ERCC6L2: variants seen among roughly 807,000 people sequenced by gnomAD.
The protein encoded by ERCC6L2 is DNA excision repair protein ERCC-6-like 2.
A neutral mutation model predicts 132.0 loss-of-function variants in ERCC6L2; 77 were observed. The ratio of observed to expected loss-of-function variants is 0.58; its 90% CI spans 0.49 to 0.71. ERCC6L2 has a LOEUF of 0.71. ERCC6L2 is among the 30% of genes least tolerant of loss of function. The pLI, the probability that ERCC6L2 is intolerant of heterozygous loss-of-function variation, is 0.00. For synonymous variants in ERCC6L2, 583 were observed against 632.4 expected (o/e 0.92, Z 1.17); for missense variants, 1,542 against 1,837.6 (o/e 0.84, Z 2.94).
At chr9:96,000,439 A>T (rs1833625915) in intron 17 of ERCC6L2, among the ~76,000 whole-genome samples, 1 of 152,214 alleles carries the variant, frequency 6.6e-6, no homozygotes, top group Admixed American at 6.5e-5. Flanking sequence ...AAAAAGATAA[A>T]CATCATATTT....
At chr9:95,976,640 T>G (rs1470125074) in intron 16 of ERCC6L2, among the ~76,000 whole-genome samples, 2 of 152,188 alleles carry the variant, frequency 1.3e-5, no homozygotes, top group African/African-American at 4.8e-5. Context: ...TGAGGGTATC[T>G]TGTTATCTAA....
chr9:95,881,823 G>T (rs1827613457), intron 2 of ERCC6L2, among the ~76,000 whole-genome samples: 1 of 152,222 alleles, frequency 6.6e-6, no homozygotes. Context: ...CTTTCCTAAA[G>T]AGGGGATTTG....
intron 11 of ERCC6L2, among the ~76,000 whole-genome samples, chr9:95,940,594 T>A (rs1187260849): frequency 1.3e-5 from 2 of 152,182 alleles, no homozygotes; most frequent in Non-Finnish European, 2.9e-5. Context: ...TTAGAGAACA[T>A]ACTCAGTATA....
intron 19 of ERCC6L2, among the ~76,000 whole-genome samples, chr9:96,030,201 A>C (rs964773259): frequency 6.6e-6 from 1 of 152,220 alleles, no homozygotes; most frequent in Non-Finnish European, 1.5e-5. Context: ...TGGATCAGTC[A>C]GCACCCTGTA....
chr9:95,999,608 T>A lies in ERCC6L2; in HGVS notation c.3493-4912T>A, dbSNP rs1007310701. On this transcript the variant is annotated intron_variant, in intron 17 of 18. Coordinates refer to ENST00000653738, the MANE Select transcript of ERCC6L2 (RefSeq NM_020207.7). ...AATTGACAATTGCCATTGCTTGGCATGATTTCTCTATGGCTTCAGAAATTG... is the reference window on the plus strand; with the variant it reads ...AATTGACAATTGCCATTGCTTGGCAAGATTTCTCTATGGCTTCAGAAATTG... Among the ~76,000 whole-genome samples, 4 of 152,334 alleles carry A rather than the reference T, an allele frequency of 2.6e-5. 1 individual carries two copies. The highest frequency in any genetic ancestry group is 6.8e-3 in the Middle Eastern group (2 of 294).
At chr9:96,040,246 C>T (rs538333547) in intron 20 of ERCC6L2, among the ~76,000 whole-genome samples, 1 of 152,114 alleles carries the variant, frequency 6.6e-6, no homozygotes, top group Non-Finnish European at 1.5e-5. Flanking sequence ...TGCTCATGTC[C>T]TTGTCCCCTT....
In ERCC6L2 at chr9:95,943,511, G is replaced by A. The variant is rs115335534; in HGVS notation, c.1847+1962G>A. ...TGTAGAATGGGACTCAACATTCTAC[G>A]TTTTAAAAAACACCCAGGTTGTGGA... is the stretch of plus-strand genomic sequence containing the variant. On this transcript the variant is annotated intron_variant, in intron 12 of 18. Transcript: ENST00000653738. 2.2e-3 allele frequency among the ~76,000 whole-genome samples: 334 copies of A among 152,156 alleles called. 3 individuals carry two copies. The highest frequency in any genetic ancestry group is 7.5e-3 in the African/African-American group (312 of 41,532).
chr9:95,947,992 A>G (rs924791329), intron 12 of ERCC6L2, among the ~76,000 whole-genome samples: 1 of 152,268 alleles, frequency 6.6e-6, no homozygotes, highest in Non-Finnish European at 1.5e-5. Flanking sequence ...GCAGTAACAC[A>G]ACATCCATTC....
At chr9:95,907,384 T>C in intron 4 of ERCC6L2, 113 bp downstream of exon 4, 1 of 888,032 alleles carries the variant, frequency 1.1e-6, no homozygotes, top group East Asian at 3.1e-5. Context: ...TTTGTGTTTT[T>C]AGTAAAGACG....
chr9:95,913,431 C>G (rs1408875550), intron 4 of ERCC6L2, among the ~76,000 whole-genome samples: 1 of 151,944 alleles, frequency 6.6e-6, no homozygotes, highest in Non-Finnish European at 1.5e-5. Context: ...GTTTCTTACA[C>G]CCTTCGCTTG....
chr9:95,958,001 A>G (rs955466901), intron 13 of ERCC6L2, among the ~76,000 whole-genome samples: 3 of 148,630 alleles, frequency 2.0e-5, no homozygotes, highest in African/African-American at 7.4e-5. Flanking sequence ...AACATTAGGT[A>G]TATCTCCTAA....
In ERCC6L2 at chr9:96,012,606, T is replaced by C. The variant is rs143936198; in HGVS notation, c.4056T>C (p.Asn1352=). ...CCTATAGAGAAGAGGTGTTTTTTAA[T>C]GATGCAGAAACTAAGAAATCACCTG... The part of the protein sequence containing the change: ...HISYREEVFF[N]DAETKKSPVS... The change falls in exon 19 of 19, where the codon AAT becomes AAC. Residue 1352 remains asparagine (N), a synonymous_variant. Coordinates refer to ENST00000653738, the MANE Select transcript of ERCC6L2 (RefSeq NM_020207.7). The C allele has an allele frequency of 9.5e-6, 13 of 1,367,540 alleles. No individual in the cohort carries two copies. Among genetic ancestry groups the C allele is most frequent in the East Asian group, 4.5e-5 (1 of 22,004 alleles). The allele number at this position is 1,367,540 out of a possible 1,614,324, so 84.7% of individuals were successfully genotyped here.
intron 4 of ERCC6L2, among the ~76,000 whole-genome samples, chr9:95,912,761 A>G (rs1262844531): frequency 6.6e-5 from 10 of 152,316 alleles, no homozygotes; most frequent in Non-Finnish European, 1.5e-4. Flanking sequence ...TTTTTTAATT[A>G]TATGACTTTT....
In ERCC6L2 at chr9:95,995,287, A is replaced by C. The variant is rs528068967; in HGVS notation, c.3493-9233A>C. Among the ~76,000 whole-genome samples, 3 of 152,356 alleles carry C rather than the reference A, an allele frequency of 2.0e-5. No individual in the cohort carries two copies. In the South Asian group the frequency reaches 6.2e-4, roughly 32 times the overall value. On this transcript the variant is annotated intron_variant, in intron 17 of 18. Coordinates refer to ENST00000653738, the MANE Select transcript of ERCC6L2 (RefSeq NM_020207.7). ...AACTTGGTTTAGATCTAATGCCTTA[A>C]AATACACAGAATACACTTTTGGTTC...
intron 18 of ERCC6L2, among the ~76,000 whole-genome samples, chr9:96,005,704 G>C (rs997653339): frequency 6.6e-6 from 1 of 151,886 alleles, no homozygotes; most frequent in African/African-American, 2.4e-5. Context: ...CAACCCTTGG[G>C]GGCTACAGAA....
intron 4 of ERCC6L2, among the ~76,000 whole-genome samples, chr9:95,909,063 G>T (rs1374797545): frequency 1.3e-5 from 2 of 152,130 alleles, no homozygotes; most frequent in Non-Finnish European, 2.9e-5. Context: ...GTGAAAACTA[G>T]CCCCTCAAGC....
At chr9:95,917,542 A>G (rs546849902) in intron 6 of ERCC6L2, among the ~76,000 whole-genome samples, 1 of 152,350 alleles carries the variant, frequency 6.6e-6, no homozygotes, top group African/African-American at 2.4e-5. Flanking sequence ...TTTGATATTT[A>G]TCTAAAGCAA....
Position 95,880,988 on chromosome 9 carries a change from T to C in ERCC6L2, c.166T>C (p.Tyr56His), listed in dbSNP as rs2132513045. Residue 56 changes from tyrosine to histidine, a missense_variant, in exon 2 of 19, where the codon TAT (tyrosine) becomes CAT (histidine). Tyr to His is a moderately conservative substitution (Grantham distance 83). Around this residue, in one of 4 missense-constraint regions of ERCC6L2, gnomAD observed 153 missense variants for 132.3 expected, o/e 1.16. Transcript: ENST00000653738. ...TGGCAAGTCATTTGCAGTCGTCTTA[T>C]ATGCAGATTTTCAAGAAAGGAAAAT... ...ENGKSFAVVL[Y>H]ADFQERKIPL... 2 of 1,614,064 alleles carry C rather than the reference T, an allele frequency of 1.2e-6. No homozygotes were observed. The highest frequency in any genetic ancestry group is 1.7e-6 in the Non-Finnish European group (2 of 1,179,934).
intron 4 of ERCC6L2, among the ~76,000 whole-genome samples, chr9:95,911,572 C>G (rs888090827): frequency 2.0e-5 from 3 of 151,620 alleles, no homozygotes; most frequent in Non-Finnish European, 4.4e-5. Context: ...GTTCAAATGC[C>G]TTTATTTTGT....
Sources: gnomAD v4.1 joint callset for allele counts (sites outside exome capture counted in the v4.1 genomes callset) on GRCh38, gnomAD v4.1.1 for gene constraint, gnomAD v4.1.1 regional missense constraint, MANE v1.5 for transcripts, NCBI Gene and HGNC (gene_info 2026-07-23, HGNC 2026-07-21) for gene names.